SMIM36: variants seen among roughly 807,000 people sequenced by gnomAD.
SMIM36 encodes the protein small integral membrane protein 36.
the SMIM36 span, chr17:55,527,729 C>A: frequency 6.6e-6 from 1 of 152,192 alleles, no homozygotes; most frequent in African/African-American, 2.4e-5. Flanking sequence ...AGAGGGCACC[C>A]TCTGAGCAGG....
chr17:55,520,279 A>G, the SMIM36 span, among the ~76,000 whole-genome samples: 1 of 152,084 alleles, frequency 6.6e-6, no homozygotes. Flanking sequence ...TCTTCATCTC[A>G]AGTATGTAGT....
At chr17:55,529,807 A>AC in the SMIM36 span, among the ~76,000 whole-genome samples, 2 of 152,134 alleles carry the variant, frequency 1.3e-5, no homozygotes, top group African/African-American at 4.8e-5. Flanking sequence ...AAACAAACAA[A>AC]AAACAAAACA....
At chr17:55,522,707 C>T in the SMIM36 span, among the ~76,000 whole-genome samples, 1 of 152,158 alleles carries the variant, frequency 6.6e-6, no homozygotes, top group Non-Finnish European at 1.5e-5. Flanking sequence ...AATCATGTCA[C>T]CTCCATCCCT....
intron 1 of SMIM36, among the ~76,000 whole-genome samples, chr17:55,498,371 GACAGCTGTCT>G (rs1231832333): frequency 1.3e-5 from 2 of 152,176 alleles, no homozygotes; most frequent in South Asian, 4.2e-4. Flanking sequence ...TACAGCACGT[GACAGCTGTCT>G]AACCTTTCAT....
the SMIM36 span, among the ~76,000 whole-genome samples, chr17:55,518,254 A>G: frequency 0.48 from 73,222 of 151,930 alleles, 17,900 homozygotes; most frequent in Middle Eastern, 0.51. Context: ...TTCATCAAGA[A>G]TCTACTCTCT....
chr17:55,474,071 C>T (rs534802538), intron 3 of SMIM36, among the ~76,000 whole-genome samples: 16 of 152,186 alleles, frequency 1.1e-4, no homozygotes, highest in African/African-American at 1.9e-4. Flanking sequence ...CCCTCTCACG[C>T]GGACCCCCTT....
At chr17:55,497,517 G>A (rs2144713409) in intron 1 of SMIM36, among the ~76,000 whole-genome samples, 1 of 152,072 alleles carries the variant, frequency 6.6e-6, no homozygotes, top group South Asian at 2.1e-4. Flanking sequence ...TGCCCGCCTC[G>A]GCCTCCCAAA....
chr17:55,472,763 G>A (rs1348831452), intron 3 of SMIM36, among the ~76,000 whole-genome samples: 1 of 151,866 alleles, frequency 6.6e-6, no homozygotes, highest in Non-Finnish European at 1.5e-5. Context: ...AGCTACTCGG[G>A]AGGCTGAGGC....
At chr17:55,478,368 G>A (rs1909462191) in intron 3 of SMIM36, among the ~76,000 whole-genome samples, 1 of 151,832 alleles carries the variant, frequency 6.6e-6, no homozygotes, top group Non-Finnish European at 1.5e-5. Context: ...CGAGTAGCTG[G>A]GACTACAGGT....
At chr17:55,466,292 A>G (rs1195126080) in intron 4 of SMIM36, among the ~76,000 whole-genome samples, 1 of 151,140 alleles carries the variant, frequency 6.6e-6, no homozygotes, top group East Asian at 1.9e-4. Context: ...AAAAAAAAAA[A>G]AAAAAAAAAA....
At chr17:55,492,243 T>TTTC (rs1491366237) in intron 1 of SMIM36, among the ~76,000 whole-genome samples, 3 of 53,852 alleles carry the variant, frequency 5.6e-5, no homozygotes, top group Non-Finnish European at 9.5e-5. Flanking sequence ...TCTTTCTTTC[T>TTTC]TTTTTTTTTT....
At chr17:55,476,367 C>T (rs1168941603) in intron 3 of SMIM36, among the ~76,000 whole-genome samples, 1 of 152,030 alleles carries the variant, frequency 6.6e-6, no homozygotes, top group African/African-American at 2.4e-5. Context: ...CTGTAATTTT[C>T]CACTACCTAC....
At chr17:55,457,547 A>G (rs751542729) in intron 4 of SMIM36, among the ~76,000 whole-genome samples, 3 of 150,442 alleles carry the variant, frequency 2.0e-5, no homozygotes, top group Non-Finnish European at 4.4e-5. Flanking sequence ...TGTTTTTGAG[A>G]CGGAATTTTG....
chr17:55,522,674 A>G, the SMIM36 span, among the ~76,000 whole-genome samples: 2 of 152,122 alleles, frequency 1.3e-5, no homozygotes, highest in Non-Finnish European at 2.9e-5. Flanking sequence ...ATTTGAGGTG[A>G]GGTTTGGGTG....
chr17:55,499,760 T>A (rs1909874861), intron 1 of SMIM36, among the ~76,000 whole-genome samples: 1 of 152,188 alleles, frequency 6.6e-6, no homozygotes, highest in South Asian at 2.1e-4. Context: ...AGTATTTGAA[T>A]GTCACATAAA....
intron 1 of SMIM36, among the ~76,000 whole-genome samples, chr17:55,487,282 C>T (rs899188790): frequency 1.3e-5 from 2 of 152,206 alleles, no homozygotes; most frequent in Admixed American, 6.5e-5. Context: ...AGCAAAACAA[C>T]ATGTCACATG....
At chr17:55,528,878 T>C in the SMIM36 span, among the ~76,000 whole-genome samples, 1 of 152,162 alleles carries the variant, frequency 6.6e-6, no homozygotes, top group Admixed American at 6.5e-5. Context: ...TATAACGTAA[T>C]TGTTTTTACT....
chr17:55,502,015 C>G (rs1183450740), intron 1 of SMIM36, among the ~76,000 whole-genome samples: 2 of 151,678 alleles, frequency 1.3e-5, no homozygotes, highest in Non-Finnish European at 2.9e-5. Flanking sequence ...GCTTTTCAGA[C>G]CGGCTTAAAA....
intron 1 of SMIM36, among the ~76,000 whole-genome samples, chr17:55,485,204 G>A (rs1013780883): frequency 3.3e-5 from 5 of 152,162 alleles, no homozygotes; most frequent in African/African-American, 1.2e-4. Context: ...ATTTTATGGA[G>A]ACTGTCTACC....
Sources: allele counts gnomAD v4.1 joint callset (sites outside exome capture counted in the v4.1 genomes callset), GRCh38; gene constraint gnomAD v4.1.1; transcripts MANE v1.5; gene names NCBI Gene and HGNC (gene_info 2026-07-23, HGNC 2026-07-21).